The following ZNF329 variants were observed in gnomAD, a reference collection of about 807,000 sequenced individuals.
ZNF329 encodes zinc finger protein 329.
ZNF329 carries 15 observed loss-of-function variants against 26.6 expected under a neutral mutation model. The observed-to-expected ratio is 0.56, with a 90% CI of 0.38 to 0.87. The LOEUF is 0.87. ZNF329 is among the 40% of genes least tolerant of loss of function. The pLI, the probability that ZNF329 is intolerant of heterozygous loss-of-function variation, is 0.00. For synonymous variants in ZNF329, 239 were observed against 233.5 expected, an observed-to-expected ratio of 1.02 and a Z score of -0.21; for missense variants, 651 against 651.9, an observed-to-expected ratio of 1.00 and a Z score of 0.02.
upstream of ZNF329, chr19:58,150,840 C>CT (rs2075437834): frequency 6.5e-6 from 1 of 152,698 alleles, no homozygotes; most frequent in Non-Finnish European, 1.5e-5. Flanking sequence ...AGTCCCCGAG[C>CT]TTCCCCCGCC....
chr19:58,144,440 T>G (rs1328795471), intron 1 of ZNF329, among the ~76,000 whole-genome samples: 1 of 151,198 alleles, frequency 6.6e-6, no homozygotes, highest in Non-Finnish European at 1.5e-5. Flanking sequence ...TGGGCTGGAG[T>G]GCAGTGGCGC....
Position 58,129,192 on chromosome 19 carries a change from G to T in ZNF329, c.312C>A (p.Asp104Glu). ...PDSNVSGLDCDPALPSYPKSY... is the reference protein window; with the variant it reads ...PDSNVSGLDCEPALPSYPKSY... ...TTTTAGGATAGCTGGGTAAGGCGGG[G>T]TCACAATCCAGACCACTAACATTTG... The change falls in exon 4 of 4, where the codon GAC (aspartate) becomes GAA (glutamate). Residue 104 changes from aspartate to glutamate, a missense_variant. Physicochemically the swap from Asp to Glu is conservative, Grantham distance 45 (BLOSUM62 2). Transcript: ENST00000598312. The T allele has an allele frequency of 6.2e-7, 1 of 1,614,188 alleles. No individual in the cohort carries two copies. Among genetic ancestry groups the T allele is most frequent in the African/African-American group, 1.3e-5 (1 of 75,040 alleles).
In ZNF329 at chr19:58,129,251, C is replaced by A; in HGVS notation, c.253G>T (p.Val85Phe). The A allele has an allele frequency of 1.2e-6, 2 of 1,614,222 alleles. No individual in the cohort carries two copies. The highest frequency in any genetic ancestry group is 1.1e-5 in the South Asian group (1 of 91,084). ...GCATGGAAACCATTTGTTGCCAGAA[C>A]TCTCTGAGACGGTGGAAGGTCTGAG... Reference protein sequence around the residue: ...ASSDLPPSQRVLATNGFHAPD... With the variant: ...ASSDLPPSQRFLATNGFHAPD... The change falls in exon 4 of 4, where the codon GTT becomes TTT. Residue 85 changes from valine to phenylalanine, a missense_variant. Coordinates refer to ENST00000598312, the MANE Select transcript of ZNF329 (RefSeq NM_024620.4).
chr19:58,147,114 C>T (rs2075331784), intron 1 of ZNF329, among the ~76,000 whole-genome samples: 1 of 151,882 alleles, frequency 6.6e-6, no homozygotes, highest in South Asian at 2.1e-4. Context: ...AGGAGCGTCT[C>T]TGCCCGGCCG....
chr19:58,150,942 G>C (rs145641063), upstream of ZNF329, among the ~76,000 whole-genome samples: 33 of 152,358 alleles, frequency 2.2e-4, no homozygotes, highest in Non-Finnish European at 4.1e-4. Flanking sequence ...TTTCTCCTAT[G>C]GTCTCCTCTG....
rs1354411180 is a variant in ZNF329 at position 58,128,038 on chromosome 19, C to T, written c.1466G>A (p.Gly489Glu). 6.2e-7 allele frequency: 1 copy of T among 1,613,874 alleles called. No individual in the cohort carries two copies. The highest frequency in any genetic ancestry group is 1.3e-5 in the African/African-American group (1 of 74,978). Residue 489 changes from glycine to glutamate, a missense_variant, in exon 4 of 4, where the codon GGG becomes GAG. Transcript: ENST00000598312. ...KETPYQCPEC[G>E]KSFKQNSHLA... ...GTGAGAGTTCTGCTTGAAGGACTTC[C>T]CACATTCTGGACACTGATATGGGGT...
At chr19:58,149,432 G>A (rs1430819900) in intron 1 of ZNF329, among the ~76,000 whole-genome samples, 3 of 152,048 alleles carry the variant, frequency 2.0e-5, no homozygotes, top group African/African-American at 4.8e-5. Context: ...CCCCTTTCTG[G>A]TAACACCTAT....
chr19:58,143,125 T>C lies in ZNF329; in HGVS notation c.-134A>G, dbSNP rs1455055183. The stretch of plus-strand genomic sequence containing the variant: ...CATACCTGAAGTCCCAGCTACTTGG[T>C]AGCCCAGGAGCTCAAGGCTGCAGTG... On this transcript the variant is annotated 5_prime_UTR_variant, in exon 2 of 4. Coordinates refer to ENST00000598312, the MANE Select transcript of ZNF329 (RefSeq NM_024620.4). 1 of 152,294 alleles carries C rather than the reference T, an allele frequency of 6.6e-6. No individual in the cohort carries two copies. Among genetic ancestry groups the C allele is most frequent in the Non-Finnish European group, 1.5e-5 (1 of 68,130 alleles). 9.4% of individuals were successfully genotyped at this position (152,294 alleles called of 1,614,324 possible).
At chr19:58,132,718 T>G (rs1391816694) in intron 3 of ZNF329, 1 of 152,090 alleles carries the variant, frequency 6.6e-6, no homozygotes, top group Non-Finnish European at 1.5e-5. Context: ...ATTAGGTATA[T>G]TCTACCACCC....
intron 3 of ZNF329, chr19:58,136,906 C>T (rs74532109): frequency 0.011 from 2,062 of 185,942 alleles, 40 homozygotes; most frequent in African/African-American, 0.046. Context: ...TTGTTGGCTT[C>T]ACTGTATGAC....
intron 1 of ZNF329, among the ~76,000 whole-genome samples, chr19:58,147,156 C>T (rs2075333272): frequency 6.7e-6 from 1 of 149,464 alleles, no homozygotes; most frequent in Admixed American, 6.6e-5. Flanking sequence ...AGCGCCTCTG[C>T]CCCGCCGCCC....
rs1234482502 is a variant in ZNF329 at position 58,128,478 on chromosome 19, G to C, written c.1026C>G (p.Pro342=). 5.6e-6 allele frequency: 9 copies of C among 1,613,706 alleles called. No individual in the cohort carries two copies. The South Asian group carries it at 6.6e-5, about 12-fold the overall frequency. ...CCTTTCCACATTTGCTACACTCATA[G>C]GGCTTCTCACCGGTGTGGATTCTGA... ...VHLRIHTGEK[P]YECSKCGKAF... is the part of the protein sequence containing the mutation. The change falls in exon 4 of 4, where the codon CCC becomes CCG. Residue 342 remains proline (P), a synonymous_variant. Transcript: ENST00000598312.
chr19:58,145,314 C>CTTTT lies in ZNF329; in HGVS notation c.-207-2120_-207-2117dup, dbSNP rs71188087. ...GCCAAAAAAAATTTCTTTTTTCTTCCTTTTTTTTTTTTTTTTTTTTTTTTG... is the reference window on the plus strand; with the variant it reads ...GCCAAAAAAAATTTCTTTTTTCTTCCTTTTTTTTTTTTTTTTTTTTTTTTTTTTG... On this transcript the variant is annotated intron_variant, in intron 1 of 3. Transcript: ENST00000598312. Among the ~76,000 whole-genome samples, 71 of 106,156 alleles carry CTTTT rather than the reference C, an allele frequency of 6.7e-4. 1 individual carries two copies. Among genetic ancestry groups the CTTTT allele is most frequent in the African/African-American group, 2.1e-3 (49 of 23,606 alleles). The allele number at this position is 106,156 out of a possible 152,430, so 69.6% of individuals were successfully genotyped here.
chr19:58,131,627 T>G (rs376336303), intron 3 of ZNF329, among the ~76,000 whole-genome samples: 1 of 152,018 alleles, frequency 6.6e-6, no homozygotes, highest in Non-Finnish European at 1.5e-5. Context: ...CACAAAGAAT[T>G]ACTGCCCAAG....
chr19:58,148,335 T>C (rs1245618453), intron 1 of ZNF329, among the ~76,000 whole-genome samples: 1 of 148,532 alleles, frequency 6.7e-6, no homozygotes, highest in African/African-American at 2.6e-5. Context: ...CCCTCCACTA[T>C]TGTCCTATGA....
At chr19:58,154,102 C>T (rs2075503722), upstream of ZNF329, among the ~76,000 whole-genome samples, 1 of 151,898 alleles carries the variant, frequency 6.6e-6, no homozygotes, top group Admixed American at 6.6e-5. Context: ...TCTGCATCCC[C>T]GGTTCAAGCG....
intron 3 of ZNF329, 89 bp from the exon 4 acceptor site, chr19:58,129,600 G>A: frequency 8.7e-7 from 1 of 1,153,576 alleles, no homozygotes; most frequent in Non-Finnish European, 1.2e-6. Context: ...GTGTAAAGAT[G>A]TGTATTTTTT....
rs1328341270 is a variant in ZNF329, at chr19:58,127,167, G to GT, written c.*710dup. ...CACCTTTGTTGTTACAGAAAACACAGTAAGAGCCCCTGCCAAAGCCTCTCT... is the reference window on the plus strand; with the variant it reads ...CACCTTTGTTGTTACAGAAAACACAGTTAAGAGCCCCTGCCAAAGCCTCTCT... On this transcript the variant is annotated 3_prime_UTR_variant, in exon 4 of 4. Transcript: ENST00000598312. The GT allele has an allele frequency of 6.6e-6, 1 of 152,162 alleles. No individual in the cohort carries two copies. Among genetic ancestry groups the GT allele is most frequent in the East Asian group, 1.9e-4 (1 of 5,188 alleles). The allele number at this position is 152,162 out of a possible 1,614,324, so 9.4% of individuals were successfully genotyped here. A position where few individuals can be genotyped will look rare whatever the true frequency, so the allele number is the denominator to read the frequency against.
rs374855754 is a variant in ZNF329 at position 58,128,186 on chromosome 19, C to A, written c.1318G>T (p.Ala440Ser). 18 of 1,585,878 alleles carry A rather than the reference C, an allele frequency of 1.1e-5. No homozygotes were observed. In the African/African-American group the frequency reaches 1.8e-4, roughly 16 times the overall value. Residue 440 changes from alanine to serine, a missense_variant, in exon 4 of 4, where the codon GCT becomes TCT. By Grantham distance (99) the Ala-to-Ser change is moderately conservative (BLOSUM62 1). Transcript: ENST00000598312. ...NQCQKLFRNIAGLIRHQRTHT... is the reference protein window; with the variant it reads ...NQCQKLFRNISGLIRHQRTHT... ...GTCCTCTGGTGCCTAATGAGGCCAG[C>A]GATATTCCTGAAAAGTTTCTGACAC...
Sources: gnomAD v4.1 joint callset for allele counts (sites outside exome capture counted in the v4.1 genomes callset) on GRCh38, gnomAD v4.1.1 for gene constraint, MANE v1.5 for transcripts, NCBI Gene and HGNC (gene_info 2026-07-23, HGNC 2026-07-21) for gene names.